The following IMPACT variants were observed in gnomAD, a reference collection of about 807,000 sequenced individuals.
IMPACT encodes the protein protein IMPACT.
In IMPACT, 35 loss-of-function variants were observed where a neutral mutation model predicts 47.5. The observed-to-expected ratio is 0.74, with a 90% CI of 0.56 to 0.98. IMPACT has a LOEUF of 0.98. Among genes scored for constraint, IMPACT ranks in the 50% least tolerant of loss-of-function variants. The pLI is 0.00. For missense variants in IMPACT, 373 were observed against 394.8 expected, an observed-to-expected ratio of 0.94 and a Z score of 0.47; for synonymous variants, 118 against 125.6, an observed-to-expected ratio of 0.94 and a Z score of 0.40.
chr18:24,449,858 T>C lies in IMPACT; in HGVS notation c.799T>C (p.Trp267Arg), dbSNP rs1429724983. The C allele has an allele frequency of 1.9e-6, 3 of 1,613,204 alleles. No individual in the cohort carries two copies. Among genetic ancestry groups the C allele is most frequent in the Non-Finnish European group, 1.7e-6 (2 of 1,179,484 alleles). Residue 267 changes from tryptophan to arginine, a missense_variant, in exon 10 of 11, where the codon TGG becomes CGG. Physicochemically the swap from Trp to Arg is moderately radical, Grantham distance 101 (BLOSUM62 -3). Transcript: ENST00000284202. ...GAATGTCATGGTGGTAGTATCACGC[T>C]GGTATGGAGGGATTCTGCTAGGACC... ...VKNVMVVVSR[W>R]YGGILLGPDR...
At chr18:24,428,568 T>C (rs1402292622) in intron 2 of IMPACT, among the ~76,000 whole-genome samples, 1 of 152,226 alleles carries the variant, frequency 6.6e-6, no homozygotes, top group African/African-American at 2.4e-5. Context: ...TTTGCCAGTG[T>C]TTGTTTTTAT....
chr18:24,435,272 T>G (rs1277541541), intron 4 of IMPACT: 1 of 152,196 alleles, frequency 6.6e-6, no homozygotes, highest in Non-Finnish European at 1.5e-5. Context: ...GCCCAGTCCT[T>G]AATTTTTATT....
At chr18:24,442,433 G>A (rs553175051) in intron 6 of IMPACT, among the ~76,000 whole-genome samples, 4 of 152,256 alleles carry the variant, frequency 2.6e-5, no homozygotes, top group East Asian at 3.9e-4. Context: ...GATTGCAGGC[G>A]TGAGCCACCA....
chr18:24,430,476 A>C (rs1908724586), intron 4 of IMPACT, 92 bp downstream of exon 4: 1 of 855,224 alleles, frequency 1.2e-6, no homozygotes, highest in Non-Finnish European at 1.8e-6. Context: ...GAACCTCTCT[A>C]AACTTTTTAA....
intron 6 of IMPACT, 35 bp from the exon 7 acceptor site, chr18:24,443,014 C>A: frequency 8.5e-7 from 1 of 1,175,196 alleles, no homozygotes; most frequent in African/African-American, 1.5e-5. Context: ...GAATGTAAGG[C>A]TTTTTAAAAA....
chr18:24,437,838 A>G, intron 4 of IMPACT, 117 bp from the exon 5 acceptor site: 2 of 612,280 alleles, frequency 3.3e-6, no homozygotes, highest in South Asian at 4.1e-5. Context: ...AATTATTTTA[A>G]AAAAGAAATG....
chr18:24,428,501 G>A (rs552731885), intron 2 of IMPACT, among the ~76,000 whole-genome samples: 1 of 152,306 alleles, frequency 6.6e-6, no homozygotes, highest in South Asian at 2.1e-4. Flanking sequence ...TTTTCTTAGT[G>A]CTTAATCTTT....
intron 3 of IMPACT, 70 bp downstream of exon 3, chr18:24,428,991 T>C (rs1482093491): frequency 1.4e-5 from 15 of 1,079,700 alleles, no homozygotes; most frequent in Admixed American, 2.4e-5. Flanking sequence ...TACTGTACTT[T>C]GCGTTTACAT....
intron 4 of IMPACT, among the ~76,000 whole-genome samples, chr18:24,432,460 A>G (rs1251643585): frequency 6.6e-6 from 1 of 152,088 alleles, no homozygotes; most frequent in Non-Finnish European, 1.5e-5. Flanking sequence ...TTTCCTCCCA[A>G]AATACTTAAT....
Position 24,440,475 on chromosome 18 carries a change from TTG to T in IMPACT, c.368-17_368-16del. ...GTTTCTTACCTGCGTCATAAAGTAA[TTG>T]TGTCTCATATTCACATAGGCCCAGA... On this transcript the variant is annotated intron_variant, in intron 5 of 10. Coordinates refer to ENST00000284202, the MANE Select transcript of IMPACT (RefSeq NM_018439.4). The T allele has an allele frequency of 6.2e-7, 1 of 1,605,944 alleles. No individual in the cohort carries two copies. The highest frequency in any genetic ancestry group is 2.2e-5 in the East Asian group (1 of 44,570).
At chr18:24,445,935 A>T (rs1909238598) in intron 8 of IMPACT, among the ~76,000 whole-genome samples, 1 of 152,088 alleles carries the variant, frequency 6.6e-6, no homozygotes, top group Admixed American at 6.5e-5. Context: ...TTTCCTCAGG[A>T]TAGGTTCTGG....
rs1253129030 is a variant in IMPACT at position 24,451,221 on chromosome 18, C to G, written c.*374C>G. ...ATATAAATACCTGATTTCTTGTCAT[C>G]GAGATTCTTGTACTGTTAAATGAAT... On this transcript the variant is annotated 3_prime_UTR_variant, in exon 11 of 11. Coordinates refer to ENST00000284202, the MANE Select transcript of IMPACT (RefSeq NM_018439.4). The G allele has an allele frequency of 1.1e-4, 18 of 157,802 alleles. No homozygotes were observed. Among genetic ancestry groups the G allele is most frequent in the Admixed American group, 1.0e-3 (16 of 15,466 alleles). The allele number at this position is 157,802 out of a possible 1,614,324, so 9.8% of individuals were successfully genotyped here. A position where few individuals can be genotyped will look rare whatever the true frequency, so the allele number is the denominator to read the frequency against.
intron 5 of IMPACT, among the ~76,000 whole-genome samples, chr18:24,439,805 CTG>C (rs1267425096): frequency 1.3e-5 from 2 of 152,134 alleles, no homozygotes; most frequent in East Asian, 1.9e-4. Context: ...GAATGAGACT[CTG>C]TGTCAAACAA....
chr18:24,440,897 G>A (rs866831496), intron 6 of IMPACT, among the ~76,000 whole-genome samples: 1 of 152,168 alleles, frequency 6.6e-6, no homozygotes, highest in Non-Finnish European at 1.5e-5. Context: ...GGCTATTAAC[G>A]TTTTTAGTTA....
At chr18:24,431,660 G>A (rs540267688) in intron 4 of IMPACT, among the ~76,000 whole-genome samples, 1 of 151,112 alleles carries the variant, frequency 6.6e-6, no homozygotes, top group African/African-American at 2.4e-5. Flanking sequence ...CTATAGATAC[G>A]TGCCACCGTG....
intron 8 of IMPACT, among the ~76,000 whole-genome samples, chr18:24,447,303 T>C (rs2144348966): frequency 6.6e-6 from 1 of 152,262 alleles, no homozygotes; most frequent in East Asian, 1.9e-4. Flanking sequence ...TGGGAGGATG[T>C]CTTTACTACA....
rs531526268 is a variant in IMPACT, at chr18:24,433,657, G to A, written c.281+3273G>A. ...CTGGCTTTATTTTTAAAACTTTTGTGTGACAGCATTTTTTTTTTTTTTTTT... is the reference window on the plus strand; with the variant it reads ...CTGGCTTTATTTTTAAAACTTTTGTATGACAGCATTTTTTTTTTTTTTTTT... On this transcript the variant is annotated intron_variant, in intron 4 of 10. Transcript: ENST00000284202. Among the ~76,000 whole-genome samples, 109 of 140,340 alleles carry A rather than the reference G, an allele frequency of 7.8e-4. 1 individual carries two copies. Among genetic ancestry groups the A allele is most frequent in the Admixed American group, 1.5e-3 (20 of 12,992 alleles). 92.1% of individuals were successfully genotyped at this position (140,340 alleles called of 152,430 possible).
At chr18:24,436,973 A>G (rs753409175) in intron 4 of IMPACT, among the ~76,000 whole-genome samples, 5 of 152,236 alleles carry the variant, frequency 3.3e-5, no homozygotes, top group Non-Finnish European at 5.9e-5. Flanking sequence ...TTACTGTTAT[A>G]TCAACCAATA....
chr18:24,451,028 C>A lies in IMPACT; in HGVS notation c.*181C>A. On this transcript the variant is annotated 3_prime_UTR_variant, in exon 11 of 11. Coordinates refer to ENST00000284202, the MANE Select transcript of IMPACT (RefSeq NM_018439.4). Reference sequence around the variant, plus strand: ...CTGCCAAAAATAGAGAACTTATGATCTATTCATGTGTGTTTCAGGCTTATT... The same window carrying A: ...CTGCCAAAAATAGAGAACTTATGATATATTCATGTGTGTTTCAGGCTTATT... 2.1e-6 allele frequency: 1 copy of A among 486,064 alleles called. No homozygotes were observed. Among genetic ancestry groups the A allele is most frequent in the Non-Finnish European group, 3.7e-6 (1 of 268,164 alleles). The allele number at this position is 486,064 out of a possible 1,614,324, so 30.1% of individuals were successfully genotyped here.
Sources: gnomAD v4.1 joint callset for allele counts (sites outside exome capture counted in the v4.1 genomes callset) on GRCh38, gnomAD v4.1.1 for gene constraint, MANE v1.5 for transcripts, NCBI Gene and HGNC (gene_info 2026-07-23, HGNC 2026-07-21) for gene names.